CAMKMT: variants seen among roughly 807,000 people sequenced by gnomAD.
CAMKMT encodes CaM KMT.
CAMKMT carries 53 observed loss-of-function variants against 48.0 expected under a neutral mutation model. The observed-to-expected ratio is 1.10, with a 90% CI of 0.89 to 1.39. The LOEUF (loss-of-function observed/expected upper bound fraction) is 1.39, where lower values mean the gene tolerates loss of function less well. CAMKMT is among the 40% of genes most tolerant of loss of function. CAMKMT has a pLI of 0.00. For missense variants in CAMKMT, 428 were observed against 402.7 expected, an observed-to-expected ratio of 1.06 and a Z score of -0.54; for synonymous variants, 165 against 152.3, an observed-to-expected ratio of 1.08 and a Z score of -0.61.
intron 3 of CAMKMT, among the ~76,000 whole-genome samples, chr2:44,601,934 T>G (rs899798754): frequency 2.0e-5 from 3 of 152,104 alleles, no homozygotes; most frequent in African/African-American, 7.3e-5. Flanking sequence ...ATCTGTACTT[T>G]TTAAGTTGTG....
At chr2:44,598,036 A>G (rs1041672425) in intron 3 of CAMKMT, among the ~76,000 whole-genome samples, 2 of 151,306 alleles carry the variant, frequency 1.3e-5, no homozygotes, top group Non-Finnish European at 2.9e-5. Context: ...CACCCAGCCT[A>G]TGCTTCCTTA....
rs77614169 is a variant in CAMKMT, at chr2:44,466,933, A to C, written c.376+76628A>C. Reference sequence around the variant, plus strand: ...AATGGATAAATTTCTAGAAACATATAACCTACCAAGACTGAATCACTAAGA... The same window carrying C: ...AATGGATAAATTTCTAGAAACATATCACCTACCAAGACTGAATCACTAAGA... On this transcript the variant is annotated intron_variant, in intron 3 of 10. Transcript: ENST00000378494. Among the ~76,000 whole-genome samples the C allele has an allele frequency of 9.3e-3, 1,418 of 152,318 alleles. 12 individuals carry two copies. Among genetic ancestry groups the C allele is most frequent in the African/African-American group, 0.027 (1,104 of 41,566 alleles).
chr2:44,546,154 GACACACACACACACACACACACAC>G (rs4039614), intron 3 of CAMKMT, among the ~76,000 whole-genome samples: 16 of 129,164 alleles, frequency 1.2e-4, no homozygotes, highest in African/African-American at 4.4e-4. Context: ...AGACTGCTAG[GACACACACACACACACACACACAC>G]ACACACACAC....
intron 3 of CAMKMT, among the ~76,000 whole-genome samples, chr2:44,690,713 C>T (rs1161140531): frequency 2.6e-5 from 4 of 151,880 alleles, no homozygotes; most frequent in Admixed American, 1.3e-4. Flanking sequence ...TGGTGGCTCA[C>T]GCCTGTAATA....
intron 3 of CAMKMT, among the ~76,000 whole-genome samples, chr2:44,663,016 A>C (rs1674760990): frequency 1.3e-5 from 2 of 152,228 alleles, no homozygotes; most frequent in Non-Finnish European, 2.9e-5. Flanking sequence ...TTTTCTGGAC[A>C]ATTTGAGAGT....
intron 3 of CAMKMT, among the ~76,000 whole-genome samples, chr2:44,673,518 GA>G (rs1170674978): frequency 3.5e-5 from 3 of 86,006 alleles, no homozygotes; most frequent in African/African-American, 9.5e-5. Context: ...AGGAAGGAAG[GA>G]AGGAGGGAAG....
rs111321278 is a variant in CAMKMT at position 44,679,523 on chromosome 2, C to G, written c.377-24760C>G. Among the ~76,000 whole-genome samples the G allele has an allele frequency of 3.5e-3, 526 of 152,226 alleles. 4 individuals carry two copies. The highest frequency in any genetic ancestry group is 0.012 in the African/African-American group (495 of 41,556). On this transcript the variant is annotated intron_variant, in intron 3 of 10. Transcript: ENST00000378494. ...TATTAATGAAGCAGTGCATTCTCCA[C>G]GAGGGGAAAGAAATGCCATTAATGT...
intron 3 of CAMKMT, among the ~76,000 whole-genome samples, chr2:44,614,862 A>G (rs1429886559): frequency 6.7e-6 from 1 of 148,632 alleles, no homozygotes; most frequent in East Asian, 2.0e-4. Flanking sequence ...TCAGTCTGCT[A>G]CTACTGTCCC....
chr2:44,751,170 A>G (rs1347802335), intron 8 of CAMKMT, among the ~76,000 whole-genome samples: 1 of 152,192 alleles, frequency 6.6e-6, no homozygotes, highest in South Asian at 2.1e-4. Context: ...AGAGATCACT[A>G]TGGATGCAAG....
chr2:44,420,780 A>T (rs1683883706), intron 3 of CAMKMT, among the ~76,000 whole-genome samples: 1 of 152,108 alleles, frequency 6.6e-6, no homozygotes, highest in Non-Finnish European at 1.5e-5. Context: ...CATTCAAGAT[A>T]GAGTATCATT....
rs79730721 is a variant in CAMKMT at position 44,640,372 on chromosome 2, C to A, written c.377-63911C>A. Among the ~76,000 whole-genome samples the A allele has an allele frequency of 1.7e-3, 258 of 152,250 alleles. 5 individuals carry two copies. In the East Asian group the frequency reaches 0.038, roughly 22 times the overall value. ...TTTTGAGTATTTGAGAGACTGAGCT[C>A]CTCTGCCTGGATAATCTCCAGGTGC... On this transcript the variant is annotated intron_variant, in intron 3 of 10. Transcript: ENST00000378494.
At chr2:44,374,254 A>G (rs989299878) in intron 2 of CAMKMT, among the ~76,000 whole-genome samples, 2 of 151,784 alleles carry the variant, frequency 1.3e-5, no homozygotes, top group Admixed American at 6.6e-5. Flanking sequence ...TTGCCTTTTG[A>G]TGGAGATAAT....
At chr2:44,538,926 A>G (rs1451513573) in intron 3 of CAMKMT, among the ~76,000 whole-genome samples, 1 of 148,428 alleles carries the variant, frequency 6.7e-6, no homozygotes, top group East Asian at 2.0e-4. Flanking sequence ...TTGCATCTAC[A>G]CTTTTCTTTC....
intron 10 of CAMKMT, among the ~76,000 whole-genome samples, chr2:44,770,805 T>G (rs564117411): frequency 1.8e-4 from 27 of 152,258 alleles, no homozygotes; most frequent in African/African-American, 6.0e-4. Flanking sequence ...GCAGCAAAAA[T>G]CCACAAGGAT....
intron 3 of CAMKMT, among the ~76,000 whole-genome samples, chr2:44,402,740 G>GTTTTTTTTTTTTTTTTTTTTTCTT: frequency 1.1e-5 from 1 of 94,106 alleles, no homozygotes; most frequent in Non-Finnish European, 2.1e-5. Context: ...TTGTTTTGCT[G>GTTTTTTTTTTTTTTTTTTTTTCTT]TTTTTTTTTT....
At chr2:44,368,398 T>G (rs1388593279) in intron 1 of CAMKMT, among the ~76,000 whole-genome samples, 3 of 152,222 alleles carry the variant, frequency 2.0e-5, no homozygotes, top group Admixed American at 6.5e-5. Context: ...AAAAGTAATT[T>G]GACTTGATCT....
At chr2:44,405,097 ATCTC>A (rs914573171) in intron 3 of CAMKMT, among the ~76,000 whole-genome samples, 1 of 152,068 alleles carries the variant, frequency 6.6e-6, no homozygotes, top group Non-Finnish European at 1.5e-5. Flanking sequence ...ATTATTTTCT[ATCTC>A]TATGTTTTTG....
chr2:44,626,195 C>T (rs866430823), intron 3 of CAMKMT, among the ~76,000 whole-genome samples: 40 of 152,124 alleles, frequency 2.6e-4, no homozygotes, highest in African/African-American at 8.0e-4. Context: ...TCTTTAATTT[C>T]TGTTAGTAGT....
intron 3 of CAMKMT, among the ~76,000 whole-genome samples, chr2:44,444,529 TG>T (rs1457398692): frequency 6.6e-6 from 1 of 152,220 alleles, no homozygotes; most frequent in Non-Finnish European, 1.5e-5. Flanking sequence ...ACATGCTTTT[TG>T]TCTACTTTTG....
Sources: gnomAD v4.1 joint callset for allele counts (sites outside exome capture counted in the v4.1 genomes callset) on GRCh38, gnomAD v4.1.1 for gene constraint, MANE v1.5 for transcripts, NCBI Gene and HGNC (gene_info 2026-07-23, HGNC 2026-07-21) for gene names.